The following MAPK8 variants were observed in gnomAD, a reference collection of about 807,000 sequenced individuals.
MAPK8 encodes JUN N-terminal kinase.
Under a neutral mutation model 52.9 loss-of-function variants are expected in MAPK8, and 13 were observed. The ratio of observed to expected loss-of-function variants is 0.25; its 90% CI spans 0.16 to 0.39. The LOEUF (loss-of-function observed/expected upper bound fraction) is 0.39. MAPK8 is among the 10% of genes least tolerant of loss of function. The probability of loss-of-function intolerance (pLI) is 1.00; values close to 1 mark genes in which losing one functional copy is unlikely to be tolerated. For synonymous variants in MAPK8, 191 were observed against 169.8 expected (o/e 1.12, Z -0.97); for missense variants, 300 against 519.2 (o/e 0.58, Z 4.10).
intron 1 of MAPK8, among the ~76,000 whole-genome samples, chr10:48,352,077 A>C (rs1846394666): frequency 6.6e-6 from 1 of 152,220 alleles, no homozygotes; most frequent in South Asian, 2.1e-4. Flanking sequence ...CAGAAAGTAC[A>C]ACATACTGCA....
intron 11 of MAPK8, among the ~76,000 whole-genome samples, chr10:48,434,103 G>A (rs11101320): frequency 0.46 from 69,225 of 151,930 alleles, 15,963 homozygotes; most frequent in South Asian, 0.57. Flanking sequence ...CTCGAGCTCA[G>A]GTATTCCTGT....
At chr10:48,404,499 G>A (rs1367999991) in intron 2 of MAPK8, among the ~76,000 whole-genome samples, 1 of 152,100 alleles carries the variant, frequency 6.6e-6, no homozygotes, top group African/African-American at 2.4e-5. Flanking sequence ...GGAAGTACAA[G>A]GTTAAGGATT....
At chr10:48,307,335 C>G (rs966293591) in intron 1 of MAPK8, among the ~76,000 whole-genome samples, 1 of 152,192 alleles carries the variant, frequency 6.6e-6, no homozygotes, top group African/African-American at 2.4e-5. Context: ...TGCTAACGTT[C>G]TGGGCGAACG....
intron 1 of MAPK8, among the ~76,000 whole-genome samples, chr10:48,389,785 A>G (rs1025478833): frequency 6.6e-6 from 1 of 152,204 alleles, no homozygotes; most frequent in Non-Finnish European, 1.5e-5. Context: ...GATAATAACC[A>G]TGTACTAGAA....
intron 1 of MAPK8, among the ~76,000 whole-genome samples, chr10:48,385,539 C>G (rs1316931667): frequency 6.6e-6 from 1 of 151,986 alleles, no homozygotes; most frequent in Non-Finnish European, 1.5e-5. Context: ...GTGTCTGGCA[C>G]AGATTTATAC....
At position 48,437,917 on chromosome 10, in the gene MAPK8, TGGAG is replaced by T. The variant is rs899989231; in HGVS notation, c.*2892_*2895del. On this transcript the variant is annotated 3_prime_UTR_variant, in exon 12 of 12. Coordinates refer to ENST00000374189, the MANE Select transcript of MAPK8 (RefSeq NM_001323329.2). ...TAATCCTGCTGTGTTGTCTAAAAGATGGAGGGAAGAGGACATCAGTGTCTGATAG... is the reference window on the plus strand; with the variant it reads ...TAATCCTGCTGTGTTGTCTAAAAGATGGAAGAGGACATCAGTGTCTGATAG... The T allele has an allele frequency of 6.6e-6, 1 of 152,190 alleles. No individual in the cohort carries two copies. The highest frequency in any genetic ancestry group is 1.5e-5 in the Non-Finnish European group (1 of 68,032). The allele number at this position is 152,190 out of a possible 1,614,324, so 9.4% of individuals were successfully genotyped here. A position where few individuals can be genotyped will look rare whatever the true frequency, so the allele number is the denominator to read the frequency against.
intron 5 of MAPK8, among the ~76,000 whole-genome samples, chr10:48,414,886 A>G (rs938373743): frequency 2.0e-5 from 3 of 152,068 alleles, no homozygotes; most frequent in African/African-American, 7.2e-5. Flanking sequence ...CCAGCCTGGA[A>G]TTTTTAAAAA....
At chr10:48,379,057 G>A (rs2040837790) in intron 1 of MAPK8, among the ~76,000 whole-genome samples, 1 of 152,206 alleles carries the variant, frequency 6.6e-6, no homozygotes. Flanking sequence ...AGACTAGTTG[G>A]CTTTGCCTGA....
chr10:48,327,727 T>C (rs1366889173), intron 1 of MAPK8, among the ~76,000 whole-genome samples: 4 of 152,248 alleles, frequency 2.6e-5, no homozygotes, highest in African/African-American at 9.6e-5. Flanking sequence ...GTTTTCTGTT[T>C]TAAAAGGTTA....
chr10:48,400,110 T>C (rs1452428466), intron 1 of MAPK8, among the ~76,000 whole-genome samples: 1 of 152,200 alleles, frequency 6.6e-6, no homozygotes, highest in African/African-American at 2.4e-5. Context: ...GGATGAACAA[T>C]CCCTGTATGT....
At chr10:48,349,640 T>C (rs532141414) in intron 1 of MAPK8, among the ~76,000 whole-genome samples, 9 of 152,220 alleles carry the variant, frequency 5.9e-5, no homozygotes, top group African/African-American at 2.2e-4. Flanking sequence ...AGGAAATTTA[T>C]AGCACTAAAT....
At chr10:48,319,790 C>T (rs765339465) in intron 1 of MAPK8, among the ~76,000 whole-genome samples, 9 of 151,442 alleles carry the variant, frequency 5.9e-5, no homozygotes, top group Non-Finnish European at 1.2e-4. Flanking sequence ...CTGCACCCAG[C>T]GCATTCTGGA....
chr10:48,354,049 TTTATA>T (rs759929628), intron 1 of MAPK8, among the ~76,000 whole-genome samples: 12 of 152,166 alleles, frequency 7.9e-5, no homozygotes, highest in Non-Finnish European at 1.6e-4. Context: ...TAGTTTTGAT[TTTATA>T]TTATAGTAAG....
intron 1 of MAPK8, among the ~76,000 whole-genome samples, chr10:48,335,285 A>T (rs545005840): frequency 7.2e-5 from 11 of 152,274 alleles, no homozygotes; most frequent in African/African-American, 2.6e-4. Flanking sequence ...AATAAATTTT[A>T]AAAAGTTTAA....
At chr10:48,325,311 G>C (rs1204715548) in intron 1 of MAPK8, among the ~76,000 whole-genome samples, 1 of 151,916 alleles carries the variant, frequency 6.6e-6, no homozygotes, top group African/African-American at 2.4e-5. Flanking sequence ...TTGTCAACTG[G>C]GATTGAACTA....
At chr10:48,370,224 G>A (rs1848422296) in intron 1 of MAPK8, among the ~76,000 whole-genome samples, 1 of 152,112 alleles carries the variant, frequency 6.6e-6, no homozygotes, top group Non-Finnish European at 1.5e-5. Context: ...CTAGGAAGAG[G>A]TTGGGATTAT....
intron 1 of MAPK8, among the ~76,000 whole-genome samples, chr10:48,399,929 A>T (rs566549004): frequency 6.6e-6 from 1 of 152,352 alleles, no homozygotes; most frequent in East Asian, 1.9e-4. Context: ...AGAGATCATT[A>T]TTACTGTCTC....
chr10:48,380,658 A>G (rs2040944183), intron 1 of MAPK8, among the ~76,000 whole-genome samples: 1 of 152,154 alleles, frequency 6.6e-6, no homozygotes, highest in Admixed American at 6.5e-5. Context: ...ACTTGAACCC[A>G]GGAGGAGGAG....
rs10219130 is a variant in MAPK8, at chr10:48,347,495, C to T, written c.-50+40674C>T. The stretch of plus-strand genomic sequence containing the variant: ...CACGTGGCATGGTGGTTTGCTGCAC[C>T]CATCATCCCGTCATCTACATTAGGT... On this transcript the variant is annotated intron_variant, in intron 1 of 11. Transcript: ENST00000374189. Among the ~76,000 whole-genome samples the T allele has an allele frequency of 4.5e-3, 679 of 152,120 alleles. 3 individuals are homozygous for T. The highest frequency in any genetic ancestry group is 0.015 in the African/African-American group (613 of 41,492).
Sources: gnomAD v4.1 joint callset for allele counts (sites outside exome capture counted in the v4.1 genomes callset) on GRCh38, gnomAD v4.1.1 for gene constraint, MANE v1.5 for transcripts, NCBI Gene and HGNC (gene_info 2026-07-23, HGNC 2026-07-21) for gene names.